Variants in JAKMIP2 observed in about 807,000 individuals in gnomAD.
JAKMIP2 encodes janus kinase and microtubule interacting protein 2.
A neutral mutation model predicts 115.0 loss-of-function variants in JAKMIP2; 25 were observed. The observed-to-expected ratio is 0.22, with a 90% CI of 0.16 to 0.30. The LOEUF (loss-of-function observed/expected upper bound fraction) is 0.30, where lower values mean the gene tolerates loss of function less well. Among genes scored for constraint, JAKMIP2 ranks in the 10% least tolerant of loss-of-function variants. The probability of loss-of-function intolerance (pLI) is 1.00; values close to 1 mark genes in which losing one functional copy is unlikely to be tolerated. For missense variants in JAKMIP2, 642 were observed against 957.6 expected (o/e 0.67, Z 4.35); for synonymous variants, 334 against 343.6 (o/e 0.97, Z 0.31).
intron 5 of JAKMIP2, among the ~76,000 whole-genome samples, chr5:147,648,020 G>A (rs1483426873): frequency 6.6e-6 from 1 of 152,144 alleles, no homozygotes; most frequent in Non-Finnish European, 1.5e-5. Flanking sequence ...ACAAAGCTGA[G>A]TGAAAGAAGC....
Position 147,726,541 on chromosome 5 carries a change from G to T in JAKMIP2, c.-148-54587C>A, listed in dbSNP as rs113311098. Among the ~76,000 whole-genome samples, 184 of 152,332 alleles carry T rather than the reference G, an allele frequency of 1.2e-3. 1 individual carries two copies. The highest frequency in any genetic ancestry group is 4.2e-3 in the African/African-American group (174 of 41,590). ...TGTAAAGTTTTGATTAATGGGAAAA[G>T]AATTTGTGAGGTACGTCTGAAGCTG... On this transcript the variant is annotated intron_variant, in intron 1 of 21. Coordinates refer to ENST00000616793, the MANE Select transcript of JAKMIP2 (RefSeq NM_001270941.2).
At position 147,680,111 on chromosome 5, in the gene JAKMIP2, G is replaced by GTTTCA. The variant is rs1760180376; in HGVS notation, c.-148-8162_-148-8158dup. On this transcript the variant is annotated intron_variant, in intron 1 of 21. Coordinates refer to ENST00000616793, the MANE Select transcript of JAKMIP2 (RefSeq NM_001270941.2). ...AGTGCTGTATTTACCTCATTGAGCT[G>GTTTCA]TTTCAAGGAATAAATGAGTTAAAGT... 3.9e-5 allele frequency among the ~76,000 whole-genome samples: 6 copies of GTTTCA among 152,244 alleles called. No individual in the cohort carries two copies. The South Asian group carries it at 1.2e-3, about 32-fold the overall frequency.
At chr5:147,646,426 T>G (rs1378307003) in intron 5 of JAKMIP2, among the ~76,000 whole-genome samples, 1 of 152,160 alleles carries the variant, frequency 6.6e-6, no homozygotes, top group Non-Finnish European at 1.5e-5. Flanking sequence ...GTCAATGATG[T>G]GAGTTTTAAA....
Position 147,586,357 on chromosome 5 carries a change from G to C in JAKMIP2, c.*5350C>G, listed in dbSNP as rs567705699. 4.1e-4 allele frequency: 63 copies of C among 152,258 alleles called. No homozygotes were observed. Among genetic ancestry groups the C allele is most frequent in the South Asian group, 1.9e-3 (9 of 4,824 alleles). 9.4% of individuals were successfully genotyped at this position (152,258 alleles called of 1,614,324 possible). A position where few individuals can be genotyped will look rare whatever the true frequency, so the allele number is the denominator to read the frequency against. ...TTGATCTGCCTCATTGTGGGAAGTT[G>C]CTATGGTTAATGGCTGGTATAGGCA... On this transcript the variant is annotated 3_prime_UTR_variant, in exon 22 of 22. Coordinates refer to ENST00000616793, the MANE Select transcript of JAKMIP2 (RefSeq NM_001270941.2).
chr5:147,646,343 G>A (rs1203674779), intron 5 of JAKMIP2, among the ~76,000 whole-genome samples: 1 of 152,016 alleles, frequency 6.6e-6, no homozygotes, highest in Non-Finnish European at 1.5e-5. Context: ...AGTGCCTGAA[G>A]CATTAATATT....
At chr5:147,671,476 G>A (rs1257902626) in intron 2 of JAKMIP2, among the ~76,000 whole-genome samples, 1 of 152,218 alleles carries the variant, frequency 6.6e-6, no homozygotes, top group East Asian at 1.9e-4. Flanking sequence ...TAGTGAGTAT[G>A]CTATTTTCAC....
chr5:147,597,568 T>C (rs2126568061), intron 21 of JAKMIP2, among the ~76,000 whole-genome samples: 1 of 152,336 alleles, frequency 6.6e-6, no homozygotes, highest in Middle Eastern at 3.4e-3. Flanking sequence ...AACTTCATAA[T>C]GAGCAAAACT....
chr5:147,682,050 A>AAAAG (rs768691396), intron 1 of JAKMIP2, among the ~76,000 whole-genome samples: 50 of 148,980 alleles, frequency 3.4e-4, no homozygotes, highest in Admixed American at 7.4e-4. Context: ...AAAAAAAAAA[A>AAAAG]AAAGAAAGAA....
intron 1 of JAKMIP2, among the ~76,000 whole-genome samples, chr5:147,728,065 T>TG (rs1753588958): frequency 6.6e-6 from 1 of 152,220 alleles, no homozygotes; most frequent in Non-Finnish European, 1.5e-5. Context: ...TTTGCTTTGC[T>TG]TTATCTGACG....
At chr5:147,653,448 T>A (rs1444713348) in intron 3 of JAKMIP2, among the ~76,000 whole-genome samples, 1 of 152,184 alleles carries the variant, frequency 6.6e-6, no homozygotes, top group Non-Finnish European at 1.5e-5. Flanking sequence ...GATTTGCATT[T>A]CTCAAATAAT....
chr5:147,738,908 G>A (rs556242395), intron 1 of JAKMIP2, among the ~76,000 whole-genome samples: 1 of 152,216 alleles, frequency 6.6e-6, no homozygotes, highest in African/African-American at 2.4e-5. Flanking sequence ...GAAAGAAACT[G>A]GATTAAAATG....
intron 20 of JAKMIP2, among the ~76,000 whole-genome samples, chr5:147,609,990 T>C (rs1756230191): frequency 6.6e-6 from 1 of 152,212 alleles, no homozygotes; most frequent in African/African-American, 2.4e-5. Flanking sequence ...GGATACTGCA[T>C]GCTTCACGAA....
At chr5:147,769,685 C>CTT (rs201171068) in intron 1 of JAKMIP2, among the ~76,000 whole-genome samples, 104 of 127,746 alleles carry the variant, frequency 8.1e-4, no homozygotes, top group African/African-American at 2.7e-3. Flanking sequence ...GAGACAAGAT[C>CTT]TTTTTTTTTT....
intron 1 of JAKMIP2, among the ~76,000 whole-genome samples, chr5:147,673,671 G>A (rs1163572149): frequency 6.6e-6 from 1 of 152,092 alleles, no homozygotes; most frequent in African/African-American, 2.4e-5. Flanking sequence ...GCAGGGCTGC[G>A]AGGTCTCTGA....
rs1757888777 is a variant in JAKMIP2, at chr5:147,641,716, G to T, written c.1273C>A (p.Pro425Thr). 1.2e-6 allele frequency: 2 copies of T among 1,611,770 alleles called. No homozygotes were observed. Among genetic ancestry groups the T allele is most frequent in the Non-Finnish European group, 8.5e-7 (1 of 1,178,114 alleles). Residue 425 changes from proline (P) to threonine (T), a missense_variant, in exon 8 of 22, where the codon CCA becomes ACA. By Grantham distance (38) the Pro-to-Thr change is conservative. Around this residue, in one of 6 missense-constraint regions of JAKMIP2, gnomAD observed 439 missense variants for 570.9 expected, o/e 0.77. Transcript: ENST00000616793. ...RRRKHRRSSK[P>T]IKRPVLDPFI... ...CTTTGATTTCTTATTACCTTAATTG[G>T]CTTGGAACTTCTTCTATGCTTTCTT...
At chr5:147,597,181 CCGATCGTACTAATA>C (rs1755437252) in intron 21 of JAKMIP2, among the ~76,000 whole-genome samples, 1 of 152,028 alleles carries the variant, frequency 6.6e-6, no homozygotes, top group Non-Finnish European at 1.5e-5. Flanking sequence ...CCGCGCCTGG[CCGATCGTACTAATA>C]CTCTAAATGA....
intron 1 of JAKMIP2, among the ~76,000 whole-genome samples, chr5:147,745,779 T>C (rs1437728401): frequency 2.0e-5 from 3 of 152,196 alleles, no homozygotes; most frequent in Non-Finnish European, 4.4e-5. Flanking sequence ...ACATGATACA[T>C]GGCATTAACT....
intron 1 of JAKMIP2, among the ~76,000 whole-genome samples, chr5:147,719,945 G>A (rs899675283): frequency 6.6e-6 from 1 of 152,128 alleles, no homozygotes; most frequent in Non-Finnish European, 1.5e-5. Context: ...TCTGAGTCTT[G>A]ATGGTCTTTA....
Position 147,624,456 on chromosome 5 carries a change from G to T in JAKMIP2, c.1996-767C>A, listed in dbSNP as rs76502210. Among the ~76,000 whole-genome samples the T allele has an allele frequency of 6.5e-3, 996 of 152,290 alleles. 56 individuals carry two copies. In the East Asian group the frequency reaches 0.13, roughly 20 times the overall value. ...GAGGAAGCAGGATGAGAGAAAGAAGGCCAGGTACACTGGAGAATTGGGACA... is the reference window on the plus strand; with the variant it reads ...GAGGAAGCAGGATGAGAGAAAGAAGTCCAGGTACACTGGAGAATTGGGACA... On this transcript the variant is annotated intron_variant, in intron 16 of 21. Transcript: ENST00000616793.
Sources: gnomAD v4.1 joint callset for allele counts (sites outside exome capture counted in the v4.1 genomes callset) on GRCh38, gnomAD v4.1.1 for gene constraint, gnomAD v4.1.1 regional missense constraint, MANE v1.5 for transcripts, NCBI Gene and HGNC (gene_info 2026-07-23, HGNC 2026-07-21) for gene names.